Variants in PTPRF observed in about 807,000 individuals in gnomAD.
PTPRF encodes receptor-type tyrosine-protein phosphatase F.
Under a neutral mutation model 201.8 loss-of-function variants are expected in PTPRF, and 59 were observed. That is an observed-to-expected ratio of 0.29 (90% confidence interval 0.24 to 0.36). The LOEUF (loss-of-function observed/expected upper bound fraction) is 0.36, where lower values mean the gene tolerates loss of function less well. Among genes scored for constraint, PTPRF ranks in the 10% least tolerant of loss-of-function variants. PTPRF has a pLI of 1.00. For synonymous variants in PTPRF, 1,088 were observed against 1,089.7 expected (o/e 1.00, Z 0.03); for missense variants, 2,132 against 2,690.5 (o/e 0.79, Z 4.59).
At chr1:43,579,100 T>A (rs1294587547) in intron 7 of PTPRF, 180 bp downstream of exon 7, 2 of 722,998 alleles carry the variant, frequency 2.8e-6, no homozygotes, top group Admixed American at 2.0e-5. Context: ...TCCTGGCGTC[T>A]GCCACTACTT....
chr1:43,530,975 C>T lies in PTPRF; in HGVS notation c.-241C>T. ...GCTCCGGCTCCGGCTCCGGCTCCAGCTCGGGTGGCGGTGGCGGGAGCGGGA... is the reference window on the plus strand; with the variant it reads ...GCTCCGGCTCCGGCTCCGGCTCCAGTTCGGGTGGCGGTGGCGGGAGCGGGA... On this transcript the variant is annotated 5_prime_UTR_variant, in exon 1 of 34. Transcript: ENST00000359947. This position sits in a 1 kb window ranked among gnomAD's most constrained non-coding sequence, Gnocchi z 4.1. 6.3e-6 allele frequency: 1 copy of T among 157,898 alleles called. No individual in the cohort carries two copies. The highest frequency in any genetic ancestry group is 1.4e-5 in the Non-Finnish European group (1 of 72,194). The allele number at this position is 157,898 out of a possible 1,614,324, so 9.8% of individuals were successfully genotyped here.
intron 16 of PTPRF, 105 bp from the exon 17 acceptor site, chr1:43,604,798 G>C: frequency 1.0e-6 from 1 of 961,508 alleles, no homozygotes; most frequent in Non-Finnish European, 1.6e-6. Flanking sequence ...TCAACCCCCT[G>C]TTCCCCAACC....
At chr1:43,570,413 C>A (rs769600936) in intron 6 of PTPRF, among the ~76,000 whole-genome samples, 1 of 152,244 alleles carries the variant, frequency 6.6e-6, no homozygotes, top group Non-Finnish European at 1.5e-5. Flanking sequence ...ACAGAGCAGG[C>A]GGGAAAAGAG....
At chr1:43,595,284 C>G (rs759198202) in intron 11 of PTPRF, among the ~76,000 whole-genome samples, 1 of 152,152 alleles carries the variant, frequency 6.6e-6, no homozygotes, top group Admixed American at 6.5e-5. Flanking sequence ...GATCTTGGCT[C>G]ACTGCAACCT....
At chr1:43,578,617 G>T (rs148235638) in intron 6 of PTPRF, among the ~76,000 whole-genome samples, 193 bp from the exon 7 acceptor site, 1 of 152,172 alleles carries the variant, frequency 6.6e-6, no homozygotes, top group Non-Finnish European at 1.5e-5. Context: ...AAGCACAACC[G>T]TTGGTTCTAG....
At chr1:43,562,044 G>A (rs775845987) in intron 5 of PTPRF, among the ~76,000 whole-genome samples, 15 of 152,148 alleles carry the variant, frequency 9.9e-5, no homozygotes, top group Non-Finnish European at 1.9e-4. Flanking sequence ...CAAATGCCCT[G>A]TGCATGCACA....
chr1:43,595,814 A>C (rs921037034), intron 11 of PTPRF, among the ~76,000 whole-genome samples: 3 of 151,962 alleles, frequency 2.0e-5, no homozygotes, highest in African/African-American at 4.8e-5. Context: ...AGTGTGGGAG[A>C]CATGGTCATG....
At position 43,591,957 on chromosome 1, in the gene PTPRF, C is replaced by A; in HGVS notation, c.1668+9C>A. 6.2e-7 allele frequency: 1 copy of A among 1,613,222 alleles called. No individual in the cohort carries two copies. The highest frequency in any genetic ancestry group is 8.5e-7 in the Non-Finnish European group (1 of 1,179,692). On this transcript the variant is annotated intron_variant, in intron 10 of 33. Transcript: ENST00000359947. ...AGGACGAAGACCAACAGGTGTGCAGCGGGCAGAGAAGCACTGAGGGGGTCT... is the reference window on the plus strand; with the variant it reads ...AGGACGAAGACCAACAGGTGTGCAGAGGGCAGAGAAGCACTGAGGGGGTCT...
chr1:43,619,240 G>T (rs1658603357), intron 27 of PTPRF, 38 bp downstream of exon 27: 3 of 1,606,424 alleles, frequency 1.9e-6, no homozygotes, highest in African/African-American at 1.3e-5. Context: ...GGTGGGTGGG[G>T]TGGGAGGTGG....
At chr1:43,584,821 A>G (rs939991480) in intron 7 of PTPRF, among the ~76,000 whole-genome samples, 2 of 151,950 alleles carry the variant, frequency 1.3e-5, no homozygotes, top group Non-Finnish European at 2.9e-5. Flanking sequence ...TCCCCTCCTT[A>G]ATGTTGTGTT....
rs1032144911 is a variant in PTPRF at position 43,554,108 on chromosome 1, C to T, written c.379+167C>T. Among the ~76,000 whole-genome samples, 7 of 152,254 alleles carry T rather than the reference C, an allele frequency of 4.6e-5. No individual in the cohort carries two copies. Among genetic ancestry groups the T allele is most frequent in the Non-Finnish European group, 8.8e-5 (6 of 68,028 alleles). ...GGACAGGGATAGTCATTGGATCTGG[C>T]CTGGATTGTGCGGCTTATGCTGAGG... On this transcript the variant is annotated intron_variant, in intron 5 of 33. Transcript: ENST00000359947. This position sits in a 1 kb window ranked among gnomAD's most constrained non-coding sequence, Gnocchi z 4.1.
In PTPRF at chr1:43,618,749, G is replaced by C; in HGVS notation, c.4491G>C (p.Lys1497Asn). 1 of 1,596,534 alleles carries C rather than the reference G, an allele frequency of 6.3e-7. No individual in the cohort carries two copies. The highest frequency in any genetic ancestry group is 2.3e-5 in the East Asian group (1 of 44,294). ...TYTVRTFALHKSGSSEKRELR... is the reference protein window; with the variant it reads ...TYTVRTFALHNSGSSEKRELR... ...CTGTGCGCACCTTCGCACTCCACAA[G>C]GTATAGCCTTTCCCCAGTGCATATC... Residue 1497 changes from lysine to asparagine, a missense_variant and splice_region_variant, in exon 26 of 34, where the codon AAG (lysine) becomes AAC (asparagine). Physicochemically the swap from Lys to Asn is moderately conservative, Grantham distance 94. Transcript: ENST00000359947.
upstream of PTPRF, among the ~76,000 whole-genome samples, chr1:43,524,728 G>C (rs1255987562): frequency 6.6e-6 from 1 of 152,100 alleles, no homozygotes; most frequent in Non-Finnish European, 1.5e-5. Context: ...GCAGGAGAGA[G>C]GGCAGATGTG....
chr1:43,613,704 C>T lies in PTPRF; in HGVS notation c.4060C>T (p.Gln1354Ter). Residue 1354 changes from glutamine to a stop codon, truncating the protein, a stop_gained, in exon 23 of 34, where the codon CAG (glutamine) becomes TAG (stop). Coordinates refer to ENST00000359947, the MANE Select transcript of PTPRF (RefSeq NM_002840.5). LOFTEE classifies it high-confidence loss of function. ...LKANDGLKFS[Q>*]EYESIDPGQQ... is the part of the protein sequence containing the mutation. ...AGCCAACGATGGCCTCAAGTTCTCCCAGGAGTATGAGGTGAGATGTTCCCG... is the reference window on the plus strand; with the variant it reads ...AGCCAACGATGGCCTCAAGTTCTCCTAGGAGTATGAGGTGAGATGTTCCCG... 1.2e-6 allele frequency: 2 copies of T among 1,613,878 alleles called. No individual in the cohort carries two copies. Among genetic ancestry groups the T allele is most frequent in the Non-Finnish European group, 1.7e-6 (2 of 1,179,736 alleles).
intron 3 of PTPRF, among the ~76,000 whole-genome samples, chr1:43,545,645 T>A (rs1161420522): frequency 6.6e-6 from 1 of 152,120 alleles, no homozygotes; most frequent in African/African-American, 2.4e-5. Context: ...TCCCCTACGC[T>A]GGACCCTCAG....
At position 43,620,589 on chromosome 1, in the gene PTPRF, T is replaced by C. The variant is rs1242399398; in HGVS notation, c.5364+10T>C. ...GGTCACGGATGCCCGGGTGAGTGAGTGCATTGAGTGTGTCCATAACGCTGC... is the reference window on the plus strand; with the variant it reads ...GGTCACGGATGCCCGGGTGAGTGAGCGCATTGAGTGTGTCCATAACGCTGC... On this transcript the variant is annotated intron_variant, in intron 31 of 33. Coordinates refer to ENST00000359947, the MANE Select transcript of PTPRF (RefSeq NM_002840.5). The C allele has an allele frequency of 1.9e-6, 3 of 1,612,538 alleles. No homozygotes were observed. Among genetic ancestry groups the C allele is most frequent in the Admixed American group, 1.7e-5 (1 of 59,914 alleles).
At chr1:43,602,816 A>G (rs563040502) in intron 14 of PTPRF, among the ~76,000 whole-genome samples, 2 of 152,230 alleles carry the variant, frequency 1.3e-5, no homozygotes, top group Admixed American at 1.3e-4. Context: ...CCAGTTCCCC[A>G]GGTGTGGAGG....
intron 5 of PTPRF, among the ~76,000 whole-genome samples, chr1:43,558,799 C>T (rs566973848): frequency 8.5e-5 from 13 of 152,230 alleles, no homozygotes; most frequent in African/African-American, 2.9e-4. Context: ...CTGGCCTTTC[C>T]CTCCAGGAGG....
chr1:43,565,921 C>T (rs1646144156), intron 5 of PTPRF, among the ~76,000 whole-genome samples: 1 of 152,212 alleles, frequency 6.6e-6, no homozygotes, highest in Admixed American at 6.5e-5. Flanking sequence ...TACCGGCTGG[C>T]CTGGAGCGGG....
Sources: allele counts gnomAD v4.1 joint callset (sites outside exome capture counted in the v4.1 genomes callset), GRCh38; gene constraint gnomAD v4.1.1; non-coding constraint Gnocchi (gnomAD v3.1); transcripts MANE v1.5; gene names NCBI Gene and HGNC (gene_info 2026-07-23, HGNC 2026-07-21).